The following SIAH3 variants were observed in gnomAD, a reference collection of about 807,000 sequenced individuals.
SIAH3 encodes siah E3 ubiquitin protein ligase family member 3.
SIAH3 carries 9 observed loss-of-function variants against 12.6 expected under a neutral mutation model. That is an observed-to-expected ratio of 0.72 (90% CI 0.43 to 1.25). The LOEUF is 1.25. Among genes scored for constraint, SIAH3 ranks in the 50% most tolerant of loss-of-function variants. The pLI, the probability that SIAH3 is intolerant of heterozygous loss-of-function variation, is 0.00. For synonymous variants in SIAH3, 154 were observed against 151.1 expected, an observed-to-expected ratio of 1.02 and a Z score of -0.14; for missense variants, 390 against 365.4, an observed-to-expected ratio of 1.07 and a Z score of -0.55.
At chr13:45,823,704 C>G (rs1454111239) in intron 1 of SIAH3, among the ~76,000 whole-genome samples, 1 of 152,202 alleles carries the variant, frequency 6.6e-6, no homozygotes, top group Non-Finnish European at 1.5e-5. Context: ...CTATCCTACC[C>G]TACCTTTAAG....
chr13:45,798,792 T>C (rs1566089065), intron 1 of SIAH3, among the ~76,000 whole-genome samples: 1 of 152,234 alleles, frequency 6.6e-6, no homozygotes, highest in Non-Finnish European at 1.5e-5. Context: ...TTTGCACAAA[T>C]ACATTTTGAA....
rs1950652533 is a variant in SIAH3, at chr13:45,820,649, C to T, written c.135+30846G>A. ...TTCCCTCCAGCCCTCCTCCCACCAC[C>T]GCGGCCCTCCTTTTCCACCAGCCTC... On this transcript the variant is annotated intron_variant, in intron 1 of 1. Transcript: ENST00000400405. 2.6e-5 allele frequency among the ~76,000 whole-genome samples: 4 copies of T among 152,126 alleles called. No individual in the cohort carries two copies. In the South Asian group the frequency reaches 6.2e-4, roughly 24 times the overall value.
intron 1 of SIAH3, among the ~76,000 whole-genome samples, chr13:45,831,051 T>A (rs979259726): frequency 1.3e-5 from 2 of 151,968 alleles, no homozygotes; most frequent in African/African-American, 4.8e-5. Context: ...TGGTGGTGCA[T>A]GTCTGTAGTC....
Position 45,794,732 on chromosome 13 carries a change from T to C in SIAH3, c.136-10675A>G, listed in dbSNP as rs1337874957. 4.6e-5 allele frequency among the ~76,000 whole-genome samples: 7 copies of C among 152,248 alleles called. No individual in the cohort carries two copies. In the East Asian group the frequency reaches 1.4e-3, roughly 29 times the overall value. Reference sequence around the variant, plus strand: ...GCCTCCCCAGTCATGTGAAACTGAGTCCATTAAGCCTCTTTTTCTTTATAA... The same window carrying C: ...GCCTCCCCAGTCATGTGAAACTGAGCCCATTAAGCCTCTTTTTCTTTATAA... On this transcript the variant is annotated intron_variant, in intron 1 of 1. Coordinates refer to ENST00000400405, the MANE Select transcript of SIAH3 (RefSeq NM_198849.3).
At chr13:45,834,366 C>T (rs1321716733) in intron 1 of SIAH3, among the ~76,000 whole-genome samples, 1 of 152,208 alleles carries the variant, frequency 6.6e-6, no homozygotes, top group East Asian at 1.9e-4. Context: ...AGCAATCACA[C>T]AGACCTGCTT....
chr13:45,847,622 CGTGTGTGTGT>C (rs112078778), intron 1 of SIAH3, among the ~76,000 whole-genome samples: 7 of 146,836 alleles, frequency 4.8e-5, no homozygotes, highest in African/African-American at 1.3e-4. Flanking sequence ...TCCATGTGTT[CGTGTGTGTGT>C]GTGTGTGTGT....
At position 45,783,503 on chromosome 13, in the gene SIAH3, C is replaced by T. The variant is rs574787859; in HGVS notation, c.690G>A (p.Thr230=). The change falls in exon 2 of 2, where the codon ACG becomes ACA. Residue 230 remains threonine, a synonymous_variant. Coordinates refer to ENST00000400405, the MANE Select transcript of SIAH3 (RefSeq NM_198849.3). The stretch of plus-strand genomic sequence containing the variant: ...TGTTGAGGACGAGGCAGTCCCCGTC[C>T]GTAATCACCGAGTCCACGCACTCAA... ...SVLECVDSVI[T]DGDCLVLNTS... 3.7e-6 allele frequency: 6 copies of T among 1,614,162 alleles called. No individual in the cohort carries two copies. Among genetic ancestry groups the T allele is most frequent in the Non-Finnish European group, 5.1e-6 (6 of 1,180,030 alleles).
intron 1 of SIAH3, among the ~76,000 whole-genome samples, chr13:45,821,100 G>T (rs1332806834): frequency 1.3e-5 from 2 of 152,202 alleles, no homozygotes; most frequent in Non-Finnish European, 1.5e-5. Context: ...TGAAGATAGG[G>T]TCTTTAAAGT....
chr13:45,822,762 G>A (rs538328452), intron 1 of SIAH3, among the ~76,000 whole-genome samples: 3 of 151,970 alleles, frequency 2.0e-5, no homozygotes, highest in African/African-American at 7.2e-5. Context: ...TGGGTGTGCC[G>A]CAGGCCTGGA....
chr13:45,839,239 A>C (rs201102621), intron 1 of SIAH3, among the ~76,000 whole-genome samples: 1 of 148,420 alleles, frequency 6.7e-6, no homozygotes, highest in African/African-American at 2.5e-5. Flanking sequence ...TTTTTTTTTA[A>C]CTTTTTTATT....
At chr13:45,815,220 T>C (rs1167676379) in intron 1 of SIAH3, among the ~76,000 whole-genome samples, 1 of 152,036 alleles carries the variant, frequency 6.6e-6, no homozygotes, top group Non-Finnish European at 1.5e-5. Context: ...TTTGGTCAAA[T>C]GCTAGGCTAA....
At chr13:45,798,800 G>T (rs977171857) in intron 1 of SIAH3, among the ~76,000 whole-genome samples, 4 of 152,214 alleles carry the variant, frequency 2.6e-5, no homozygotes, top group African/African-American at 9.6e-5. Flanking sequence ...AATACATTTT[G>T]AAAAATTATG....
rs115361141 is a variant in SIAH3 at position 45,807,366 on chromosome 13, G to C, written c.136-23309C>G. Among the ~76,000 whole-genome samples the C allele has an allele frequency of 1.9e-3, 283 of 151,938 alleles. 1 individual carries two copies. Among genetic ancestry groups the C allele is most frequent in the African/African-American group, 6.6e-3 (273 of 41,488 alleles). On this transcript the variant is annotated intron_variant, in intron 1 of 1. Coordinates refer to ENST00000400405, the MANE Select transcript of SIAH3 (RefSeq NM_198849.3). ...AGATTGCTGAAAAATAAATAGTTAT[G>C]AAGGAGACTATTCAATAAAATTGTA...
At chr13:45,845,497 G>A (rs9534235) in intron 1 of SIAH3, among the ~76,000 whole-genome samples, 46,560 of 152,004 alleles carry the variant, frequency 0.31, 8,104 homozygotes, top group Admixed American at 0.42. Context: ...ATAGTAATAC[G>A]CGTTTATACA....
intron 1 of SIAH3, among the ~76,000 whole-genome samples, chr13:45,822,201 T>C (rs991009230): frequency 2.6e-5 from 4 of 152,170 alleles, no homozygotes; most frequent in African/African-American, 9.6e-5. Context: ...TGCGGACCTA[T>C]ATGGTGTCCC....
At chr13:45,797,052 A>G (rs1324654619) in intron 1 of SIAH3, among the ~76,000 whole-genome samples, 7 of 152,142 alleles carry the variant, frequency 4.6e-5, no homozygotes, top group Admixed American at 4.6e-4. Flanking sequence ...GGGTTATTAT[A>G]GTCACTGAGT....
chr13:45,784,080 C>T lies in SIAH3; in HGVS notation c.136-23G>A, dbSNP rs369058123. 7 of 1,554,352 alleles carry T rather than the reference C, an allele frequency of 4.5e-6. No individual in the cohort carries two copies. In the African/African-American group the frequency reaches 9.5e-5, roughly 21 times the overall value. ...ATACTGTAAGGAAAGAGAAGAACGTCAGTGCGGGGATGAGGCCCACTCTCC... is the reference window on the plus strand; with the variant it reads ...ATACTGTAAGGAAAGAGAAGAACGTTAGTGCGGGGATGAGGCCCACTCTCC... On this transcript the variant is annotated intron_variant, in intron 1 of 1. Transcript: ENST00000400405.
chr13:45,847,419 T>C, intron 1 of SIAH3, among the ~76,000 whole-genome samples: 1 of 152,136 alleles, frequency 6.6e-6, no homozygotes, highest in East Asian at 1.9e-4. Context: ...TCTCCTTTCC[T>C]GGTCTCTGCC....
rs1950504633 is a variant in SIAH3, at chr13:45,781,708, T to TG, written c.*1674dup. 6.6e-6 allele frequency: 1 copy of TG among 152,148 alleles called. No individual in the cohort carries two copies. The highest frequency in any genetic ancestry group is 6.5e-5 in the Admixed American group (1 of 15,274). 9.4% of individuals were successfully genotyped at this position (152,148 alleles called of 1,614,324 possible). A position where few individuals can be genotyped will look rare whatever the true frequency, so the allele number is the denominator to read the frequency against. ...CGACTGGCACCTCCCTTCTGGTGCGTGGGGGTGTAAGTTGGCACCAAAAGT... is the reference window on the plus strand; with the variant it reads ...CGACTGGCACCTCCCTTCTGGTGCGTGGGGGGTGTAAGTTGGCACCAAAAGT... On this transcript the variant is annotated 3_prime_UTR_variant, in exon 2 of 2. Coordinates refer to ENST00000400405, the MANE Select transcript of SIAH3 (RefSeq NM_198849.3).
Sources: gnomAD v4.1 joint callset for allele counts (sites outside exome capture counted in the v4.1 genomes callset) on GRCh38, gnomAD v4.1.1 for gene constraint, MANE v1.5 for transcripts, NCBI Gene and HGNC (gene_info 2026-07-23, HGNC 2026-07-21) for gene names.